KLRG1: variants seen among roughly 807,000 people sequenced by gnomAD.
KLRG1 encodes the protein killer cell lectin-like receptor subfamily G member 1.
In KLRG1, 16 loss-of-function variants were observed where a neutral mutation model predicts 21.8. The observed-to-expected ratio is 0.73, with a 90% CI of 0.50 to 1.11. The LOEUF (loss-of-function observed/expected upper bound fraction) is 1.11. Among genes scored for constraint, KLRG1 ranks in the 50% most tolerant of loss-of-function variants. KLRG1 has a pLI of 0.00. For missense variants in KLRG1, 173 were observed against 218.3 expected, an observed-to-expected ratio of 0.79 and a Z score of 1.31; for synonymous variants, 69 against 75.9, an observed-to-expected ratio of 0.91 and a Z score of 0.47.
At chr12:9,016,530 A>T in the KLRG1 span, among the ~76,000 whole-genome samples, 1 of 152,338 alleles carries the variant, frequency 6.6e-6, no homozygotes, top group Admixed American at 6.5e-5. Flanking sequence ...TCCCAGGAAA[A>T]TAAAGCCCAG....
the KLRG1 span, among the ~76,000 whole-genome samples, chr12:9,038,765 G>T: frequency 2.7e-4 from 41 of 152,142 alleles, no homozygotes; most frequent in Admixed American, 2.6e-3. Flanking sequence ...CGGGCGTGGT[G>T]GCAGGCACGT....
At chr12:8,951,934 C>T (rs989995842) in intron 1 of KLRG1, among the ~76,000 whole-genome samples, 4 of 152,152 alleles carry the variant, frequency 2.6e-5, no homozygotes, top group East Asian at 3.8e-4. Context: ...TTTCCCTTTC[C>T]GACCAGAGGC....
the KLRG1 span, among the ~76,000 whole-genome samples, chr12:9,038,615 A>G: frequency 6.6e-6 from 1 of 152,178 alleles, no homozygotes; most frequent in East Asian, 1.9e-4. Flanking sequence ...CTTCCACACA[A>G]AATCATGGCC....
the KLRG1 span, chr12:9,182,035 T>C: frequency 3.7e-6 from 6 of 1,613,888 alleles, no homozygotes; most frequent in Non-Finnish European, 4.2e-6. Context: ...CTTCTCCATC[T>C]GGTAAAATGG....
At chr12:9,157,110 G>A in the KLRG1 span, 1 of 1,492,504 alleles carries the variant, frequency 6.7e-7, no homozygotes, top group Non-Finnish European at 9.2e-7. Context: ...GCCCCAATGT[G>A]TGCTGTTCCC....
the KLRG1 span, among the ~76,000 whole-genome samples, chr12:9,138,649 G>T: frequency 6.6e-6 from 1 of 151,884 alleles, no homozygotes; most frequent in Non-Finnish European, 1.5e-5. Flanking sequence ...TTGTTAGAAG[G>T]ATTTTTGTTA....
chr12:9,085,367 A>C, the KLRG1 span, among the ~76,000 whole-genome samples: 1 of 152,174 alleles, frequency 6.6e-6, no homozygotes, highest in Non-Finnish European at 1.5e-5. Flanking sequence ...GGAATTAGAA[A>C]AAATTCACAA....
the KLRG1 span, among the ~76,000 whole-genome samples, chr12:9,208,681 C>A: frequency 1.5e-4 from 23 of 152,240 alleles, no homozygotes; most frequent in African/African-American, 5.5e-4. Flanking sequence ...AAGCAGGTGA[C>A]AAAGGATGCT....
chr12:9,138,036 C>G, the KLRG1 span, among the ~76,000 whole-genome samples: 1 of 151,984 alleles, frequency 6.6e-6, no homozygotes, highest in South Asian at 2.1e-4. Context: ...ACTGTTCTGG[C>G]TAGGGCTTTG....
intron 3 of KLRG1, among the ~76,000 whole-genome samples, chr12:9,004,430 C>T (rs1947405968): frequency 6.6e-6 from 1 of 152,106 alleles, no homozygotes; most frequent in Non-Finnish European, 1.5e-5. Flanking sequence ...CAGCATAATA[C>T]CTAATTGTGT....
chr12:9,124,824 C>T, the KLRG1 span, among the ~76,000 whole-genome samples: 1 of 152,208 alleles, frequency 6.6e-6, no homozygotes, highest in Non-Finnish European at 1.5e-5. Flanking sequence ...GGGGCAGGTC[C>T]CCTGTAAGGC....
the KLRG1 span, among the ~76,000 whole-genome samples, chr12:9,033,199 G>A: frequency 1.3e-5 from 2 of 152,184 alleles, no homozygotes; most frequent in Non-Finnish European, 2.9e-5. Flanking sequence ...CACTTTGGGA[G>A]GCCAAGGAGG....
At chr12:9,052,551 C>T in the KLRG1 span, among the ~76,000 whole-genome samples, 1 of 152,234 alleles carries the variant, frequency 6.6e-6, no homozygotes, top group African/African-American at 2.4e-5. Context: ...TTTGCTTTTA[C>T]ATACTTTCTC....
At chr12:9,194,503 C>G in the KLRG1 span, among the ~76,000 whole-genome samples, 9 of 137,104 alleles carry the variant, frequency 6.6e-5, no homozygotes, top group Non-Finnish European at 1.1e-4. Context: ...CTCGCTCTGT[C>G]GCCCAGGCTG....
chr12:9,076,745 T>C, the KLRG1 span: 2 of 1,613,778 alleles, frequency 1.2e-6, no homozygotes, highest in Non-Finnish European at 1.7e-6. Context: ...GGATCTCAGG[T>C]GTGCTCTCAC....
At chr12:9,093,475 C>T in the KLRG1 span, 1 of 1,613,500 alleles carries the variant, frequency 6.2e-7, no homozygotes, top group Admixed American at 1.7e-5. Flanking sequence ...TTTACCACCA[C>T]CAAATCCCAG....
the KLRG1 span, chr12:9,157,275 G>A: frequency 1.2e-6 from 2 of 1,614,092 alleles, no homozygotes; most frequent in South Asian, 1.1e-5. Flanking sequence ...CCTTGGTGTA[G>A]ACATGGCTCC....
the KLRG1 span, among the ~76,000 whole-genome samples, chr12:9,088,065 A>G: frequency 6.6e-6 from 1 of 152,178 alleles, no homozygotes; most frequent in Non-Finnish European, 1.5e-5. Flanking sequence ...TAACATAGGT[A>G]AATCTCCAAG....
chr12:9,116,102 A>G, the KLRG1 span: 16 of 463,654 alleles, frequency 3.5e-5, no homozygotes, highest in South Asian at 8.0e-5. Context: ...GGCTAAAACT[A>G]CATTCCCATT....
Sources: allele counts gnomAD v4.1 joint callset (sites outside exome capture counted in the v4.1 genomes callset), GRCh38; gene constraint gnomAD v4.1.1; transcripts MANE v1.5; gene names NCBI Gene and HGNC (gene_info 2026-07-23, HGNC 2026-07-21).